Variants in DLG2 observed in about 807,000 individuals in gnomAD.
DLG2 encodes disks large homolog 2.
Under a neutral mutation model 132.5 loss-of-function variants are expected in DLG2, and 45 were observed. That is an observed-to-expected ratio of 0.34 (90% CI 0.27 to 0.44). The LOEUF (loss-of-function observed/expected upper bound fraction) is 0.44, where lower values mean the gene tolerates loss of function less well. Among genes scored for constraint, DLG2 ranks in the 20% least tolerant of loss-of-function variants. The pLI, the probability that DLG2 is intolerant of heterozygous loss-of-function variation, is 1.00. For synonymous variants in DLG2, 424 were observed against 419.6 expected, an observed-to-expected ratio of 1.01 and a Z score of -0.13; for missense variants, 1,045 against 1,196.9, an observed-to-expected ratio of 0.87 and a Z score of 1.87.
intron 7 of DLG2, among the ~76,000 whole-genome samples, chr11:84,279,338 G>C (rs756536264): frequency 7.2e-5 from 11 of 152,246 alleles, no homozygotes; most frequent in Non-Finnish European, 1.5e-4. Context: ...GGAGAAATAG[G>C]AACAATTTTA....
intron 3 of DLG2, among the ~76,000 whole-genome samples, chr11:85,323,886 T>C (rs929040803): frequency 1.3e-5 from 2 of 152,246 alleles, no homozygotes; most frequent in Admixed American, 6.5e-5. Context: ...CCACTTTTTT[T>C]AAATCCATTA....
At chr11:85,241,918 C>T (rs1038101845) in intron 4 of DLG2, among the ~76,000 whole-genome samples, 2 of 151,920 alleles carry the variant, frequency 1.3e-5, no homozygotes, top group African/African-American at 4.8e-5. Context: ...TCCAAGAAGC[C>T]ATGTCTCATA....
At chr11:84,932,394 AT>A (rs1372048258) in intron 6 of DLG2, among the ~76,000 whole-genome samples, 1 of 152,006 alleles carries the variant, frequency 6.6e-6, no homozygotes, top group Non-Finnish European at 1.5e-5. Flanking sequence ...CCATTGCTTG[AT>A]TTGATTATTT....
chr11:85,018,509 G>C (rs140349300), intron 6 of DLG2, among the ~76,000 whole-genome samples: 204 of 152,272 alleles, frequency 1.3e-3, no homozygotes, highest in Non-Finnish European at 2.5e-3. Context: ...CCCTATCAAA[G>C]ATTCGTGTGA....
intron 5 of DLG2, among the ~76,000 whole-genome samples, chr11:85,126,178 G>A (rs533508947): frequency 8.0e-4 from 122 of 152,280 alleles, no homozygotes; most frequent in African/African-American, 2.9e-3. Flanking sequence ...GAAAGATAGG[G>A]AAGGTAACAC....
At chr11:85,211,977 G>A (rs1407434555) in intron 4 of DLG2, among the ~76,000 whole-genome samples, 2 of 151,952 alleles carry the variant, frequency 1.3e-5, no homozygotes, top group Admixed American at 6.6e-5. Context: ...TTAATTAAAT[G>A]AAAAGTTTCT....
intron 3 of DLG2, among the ~76,000 whole-genome samples, chr11:85,546,818 C>CTTTTTTTT (rs34822004): frequency 4.3e-5 from 3 of 68,972 alleles, no homozygotes; most frequent in Admixed American, 1.8e-4. Flanking sequence ...ATAACCCCTG[C>CTTTTTTTT]TTTTTTTTTT....
At chr11:84,428,839 T>C (rs547459110) in intron 7 of DLG2, among the ~76,000 whole-genome samples, 33 of 152,314 alleles carry the variant, frequency 2.2e-4, no homozygotes, top group African/African-American at 7.0e-4. Context: ...CATTTCATCC[T>C]CAACTATAAG....
chr11:85,269,215 T>C (rs1413378809), intron 4 of DLG2, among the ~76,000 whole-genome samples: 5 of 152,228 alleles, frequency 3.3e-5, no homozygotes, highest in African/African-American at 1.2e-4. Flanking sequence ...AGAATGCAGA[T>C]TGGATCTACC....
At chr11:84,280,339 C>T (rs2097841355) in intron 7 of DLG2, among the ~76,000 whole-genome samples, 1 of 150,396 alleles carries the variant, frequency 6.6e-6, no homozygotes, top group Admixed American at 6.6e-5. Context: ...CACGCTCTAT[C>T]ACCCAAGCAA....
At chr11:83,980,830 G>A (rs1230228364) in intron 11 of DLG2, among the ~76,000 whole-genome samples, 188 bp from the exon 12 acceptor site, 1 of 152,180 alleles carries the variant, frequency 6.6e-6, no homozygotes, top group African/African-American at 2.4e-5. Flanking sequence ...TAATGCAAAT[G>A]AGGCAAAGAT....
chr11:85,408,192 CT>C (rs547438965), intron 3 of DLG2, among the ~76,000 whole-genome samples: 48 of 148,052 alleles, frequency 3.2e-4, no homozygotes, highest in African/African-American at 8.8e-4. Flanking sequence ...TTATAGAAAT[CT>C]TTTTTTTGAT....
intron 8 of DLG2, among the ~76,000 whole-genome samples, chr11:84,247,498 G>A (rs1598322947): frequency 6.6e-6 from 1 of 152,082 alleles, no homozygotes; most frequent in Non-Finnish European, 1.5e-5. Context: ...TTTCTGCTTG[G>A]GTGATTTTAA....
Position 83,872,525 on chromosome 11 carries a change from A to G in DLG2, c.1565+1895T>C, listed in dbSNP as rs184711416. On this transcript the variant is annotated intron_variant, in intron 16 of 27. Coordinates refer to ENST00000376104, the MANE Select transcript of DLG2 (RefSeq NM_001142699.3). ...ATACAGTTTGCTATTTTTTTGTAAA[A>G]GGAGTCACTCTGGTGTTTTGAAGTT... Among the ~76,000 whole-genome samples, 54 of 152,304 alleles carry G rather than the reference A, an allele frequency of 3.5e-4. 2 individuals are homozygous for G. The highest frequency in any genetic ancestry group is 3.4e-3 in the Middle Eastern group (1 of 292).
intron 16 of DLG2, among the ~76,000 whole-genome samples, chr11:83,842,072 C>T (rs2057665345): frequency 6.6e-6 from 1 of 152,146 alleles, no homozygotes; most frequent in Non-Finnish European, 1.5e-5. Context: ...TTATTTTTCT[C>T]TTAATATTAT....
At chr11:84,115,425 A>G (rs142266095) in intron 9 of DLG2, among the ~76,000 whole-genome samples, 1,873 of 152,304 alleles carry the variant, frequency 0.012, 34 homozygotes, top group African/African-American at 0.043. Context: ...TCCCCTTAGG[A>G]GTATATTTGC....
chr11:85,078,377 C>T (rs2066821518), intron 6 of DLG2, among the ~76,000 whole-genome samples: 1 of 151,510 alleles, frequency 6.6e-6, no homozygotes, highest in Non-Finnish European at 1.5e-5. Context: ...TCTGAAAGAA[C>T]ATTCCAGGCA....
chr11:85,480,263 A>G (rs1002899403), intron 3 of DLG2, among the ~76,000 whole-genome samples: 4 of 152,240 alleles, frequency 2.6e-5, no homozygotes, highest in African/African-American at 9.6e-5. Context: ...TAGTCTAGAG[A>G]AACACTGGCA....
intron 3 of DLG2, among the ~76,000 whole-genome samples, chr11:85,496,670 G>A (rs2093675046): frequency 1.3e-5 from 2 of 152,082 alleles, no homozygotes; most frequent in South Asian, 4.1e-4. Context: ...TCCCAGTAGG[G>A]GCCAACAGAC....
Sources: allele counts gnomAD v4.1 joint callset (sites outside exome capture counted in the v4.1 genomes callset), GRCh38; gene constraint gnomAD v4.1.1; transcripts MANE v1.5; gene names NCBI Gene and HGNC (gene_info 2026-07-23, HGNC 2026-07-21).